UST: variants seen among roughly 807,000 people sequenced by gnomAD.
The protein encoded by UST is chondroitin sulfate 2-O-sulfotransferase.
Under a neutral mutation model 45.6 loss-of-function variants are expected in UST, and 21 were observed. The observed-to-expected ratio is 0.46, with a 90% CI of 0.33 to 0.66. The LOEUF (loss-of-function observed/expected upper bound fraction) is 0.66, where lower values mean the gene tolerates loss of function less well. UST is among the 30% of genes least tolerant of loss of function. The probability of loss-of-function intolerance (pLI) is 0.02; values close to 1 mark genes in which losing one functional copy is unlikely to be tolerated. For missense variants in UST, 463 were observed against 512.4 expected (o/e 0.90, Z 0.93); for synonymous variants, 215 against 200.6 (o/e 1.07, Z -0.61).
At chr6:148,881,715 C>T (rs1047340464) in intron 1 of UST, among the ~76,000 whole-genome samples, 1 of 152,152 alleles carries the variant, frequency 6.6e-6, no homozygotes, top group African/African-American at 2.4e-5. Flanking sequence ...ACTTAACACC[C>T]ACCATCGACT....
chr6:148,755,661 T>C (rs554016629), intron 1 of UST, among the ~76,000 whole-genome samples: 1 of 151,482 alleles, frequency 6.6e-6, no homozygotes, highest in African/African-American at 2.4e-5. Context: ...TTTTCTTTTT[T>C]TTTTTAATAC....
intron 1 of UST, among the ~76,000 whole-genome samples, chr6:148,867,321 C>T (rs1778460451): frequency 7.2e-6 from 1 of 139,792 alleles, no homozygotes; most frequent in Admixed American, 6.9e-5. Flanking sequence ...CACACACACA[C>T]ACACACATAT....
chr6:149,076,677 TA>T lies in UST; in HGVS notation c.*2567del, dbSNP rs1233212333. 3 of 152,658 alleles carry T rather than the reference TA, an allele frequency of 2.0e-5. No individual in the cohort carries two copies. The highest frequency in any genetic ancestry group is 7.2e-5 in the African/African-American group (3 of 41,462). The allele number at this position is 152,658 out of a possible 1,614,324, so 9.5% of individuals were successfully genotyped here. A position where few individuals can be genotyped will look rare whatever the true frequency, so the allele number is the denominator to read the frequency against. ...ATTGTACATTTTACATAGTTTAATTTAAAAAATACCTTTTAAGCTAGTTGAT... is the reference window on the plus strand; with the variant it reads ...ATTGTACATTTTACATAGTTTAATTTAAAAATACCTTTTAAGCTAGTTGAT... On this transcript the variant is annotated 3_prime_UTR_variant, in exon 8 of 8. Transcript: ENST00000367463.
intron 5 of UST, among the ~76,000 whole-genome samples, chr6:148,974,456 G>A (rs1262707140): frequency 1.3e-5 from 2 of 152,142 alleles, no homozygotes; most frequent in African/African-American, 4.8e-5. Context: ...TGACCAATGA[G>A]TGTTTCAGAC....
At chr6:149,022,030 G>A (rs1035989795) in intron 7 of UST, among the ~76,000 whole-genome samples, 1 of 152,160 alleles carries the variant, frequency 6.6e-6, no homozygotes, top group Non-Finnish European at 1.5e-5. Context: ...CTAACAAACC[G>A]AGTGGTCCCC....
In UST at chr6:148,924,697, A is replaced by T. The variant is rs115659529; in HGVS notation, c.292-16582A>T. The stretch of plus-strand genomic sequence containing the variant: ...CACATGTGGGCTGGACTTCCCAGGA[A>T]CACATTTCTTGGTAATTCACAACTC... On this transcript the variant is annotated intron_variant, in intron 2 of 7. Transcript: ENST00000367463. Among the ~76,000 whole-genome samples, 452 of 152,234 alleles carry T rather than the reference A, an allele frequency of 3.0e-3. 6 individuals carry two copies. The highest frequency in any genetic ancestry group is 0.01 in the African/African-American group (433 of 41,534).
At chr6:148,787,253 A>C (rs1264979739) in intron 1 of UST, among the ~76,000 whole-genome samples, 1 of 152,076 alleles carries the variant, frequency 6.6e-6, no homozygotes, top group Non-Finnish European at 1.5e-5. Flanking sequence ...TTCATCATTA[A>C]ATCTTTGCCC....
In UST at chr6:149,058,379, GTGTGTGTGTA is replaced by G. The variant is rs1354627270; in HGVS notation, c.938-15449_938-15440del. Among the ~76,000 whole-genome samples the G allele has an allele frequency of 1.4e-4, 21 of 151,148 alleles. 1 individual carries two copies. Among genetic ancestry groups the G allele is most frequent in the African/African-American group, 4.9e-4 (20 of 40,796 alleles). The stretch of plus-strand genomic sequence containing the variant: ...TGTGTGTGTGTGTGTGTGTGTGTGT[GTGTGTGTGTA>G]TGTGCGCGCGCGTGTGTCTGTGTGT... On this transcript the variant is annotated intron_variant, in intron 7 of 7. Coordinates refer to ENST00000367463, the MANE Select transcript of UST (RefSeq NM_005715.3).
chr6:148,806,575 G>A (rs1777152314), intron 1 of UST, among the ~76,000 whole-genome samples: 1 of 151,848 alleles, frequency 6.6e-6, no homozygotes, highest in African/African-American at 2.4e-5. Context: ...CTGACCTCAA[G>A]TGATCTGCCT....
chr6:148,996,084 T>C (rs542513525), intron 5 of UST, among the ~76,000 whole-genome samples: 26 of 152,352 alleles, frequency 1.7e-4, no homozygotes, highest in Middle Eastern at 3.4e-3. Context: ...CTGAGTGTTA[T>C]ACCTTGAGTG....
intron 1 of UST, among the ~76,000 whole-genome samples, chr6:148,759,919 T>G (rs1394704780): frequency 2.0e-5 from 3 of 152,098 alleles, no homozygotes. Flanking sequence ...AGTGTTTCTT[T>G]TCTCTTGAGA....
chr6:148,919,444 G>GTGTA (rs4047184), intron 2 of UST, among the ~76,000 whole-genome samples: 20 of 147,560 alleles, frequency 1.4e-4, no homozygotes, highest in African/African-American at 5.0e-4. Context: ...GTGTGTGTGT[G>GTGTA]TACACTTCTG....
intron 1 of UST, among the ~76,000 whole-genome samples, chr6:148,752,330 C>T (rs76696347): frequency 0.014 from 2,099 of 152,182 alleles, 46 homozygotes; most frequent in African/African-American, 0.047. Context: ...ACTTTAGGCT[C>T]CAAACAGTAA....
Position 148,813,385 on chromosome 6 carries a change from AT to A in UST, c.247+65722del, listed in dbSNP as rs61560066. Among the ~76,000 whole-genome samples, 205 of 146,804 alleles carry A rather than the reference AT, an allele frequency of 1.4e-3. 1 individual carries two copies. The highest frequency in any genetic ancestry group is 1.6e-3 in the Non-Finnish European group (103 of 66,402). On this transcript the variant is annotated intron_variant, in intron 1 of 7. Coordinates refer to ENST00000367463, the MANE Select transcript of UST (RefSeq NM_005715.3). The stretch of plus-strand genomic sequence containing the variant: ...CACCAATAGTTCCTATAACAGAATA[AT>A]TTTTTTTTTTTTTGAGACAGAGTCT...
At chr6:148,769,424 G>A (rs1776377815) in intron 1 of UST, among the ~76,000 whole-genome samples, 1 of 152,248 alleles carries the variant, frequency 6.6e-6, no homozygotes, top group Admixed American at 6.5e-5. Flanking sequence ...ACAAGAGGCA[G>A]TGTAGTGTTA....
intron 1 of UST, among the ~76,000 whole-genome samples, chr6:148,762,802 TG>T (rs1296119745): frequency 1.3e-5 from 2 of 152,226 alleles, no homozygotes; most frequent in Non-Finnish European, 2.9e-5. Flanking sequence ...TTTGAGTTTT[TG>T]TTTCTGAGTT....
At chr6:148,829,007 A>G (rs529254990) in intron 1 of UST, among the ~76,000 whole-genome samples, 50 of 152,336 alleles carry the variant, frequency 3.3e-4, no homozygotes, top group African/African-American at 1.2e-3. Context: ...TGCTCAAAAT[A>G]TACATAACCT....
chr6:148,996,465 T>C (rs1410043920), intron 5 of UST, among the ~76,000 whole-genome samples: 1 of 152,204 alleles, frequency 6.6e-6, no homozygotes, highest in East Asian at 1.9e-4. Context: ...GTGATCTGCC[T>C]GCCCCGGCTT....
At chr6:148,795,920 T>C (rs1261727081) in intron 1 of UST, among the ~76,000 whole-genome samples, 1 of 152,204 alleles carries the variant, frequency 6.6e-6, no homozygotes, top group Non-Finnish European at 1.5e-5. Context: ...GAACAAAAGG[T>C]TGGCTTTTAA....
Sources: allele counts gnomAD v4.1 joint callset (sites outside exome capture counted in the v4.1 genomes callset), GRCh38; gene constraint gnomAD v4.1.1; transcripts MANE v1.5; gene names NCBI Gene and HGNC (gene_info 2026-07-23, HGNC 2026-07-21).